The following MYT1L variants were observed in gnomAD, a reference collection of about 807,000 sequenced individuals.
MYT1L encodes myelin transcription factor 1 like.
A neutral mutation model predicts 126.7 loss-of-function variants in MYT1L; 12 were observed. That is an observed-to-expected ratio of 0.09 (90% CI 0.06 to 0.15). The LOEUF (loss-of-function observed/expected upper bound fraction) is 0.15, where lower values mean the gene tolerates loss of function less well. MYT1L is among the 10% of genes least tolerant of loss of function. The pLI is 1.00. For synonymous variants in MYT1L, 541 were observed against 604.2 expected, an observed-to-expected ratio of 0.90 and a Z score of 1.53; for missense variants, 979 against 1,585.2, an observed-to-expected ratio of 0.62 and a Z score of 6.49.
At chr2:2,229,728 G>A (rs1437528856) in intron 2 of MYT1L, among the ~76,000 whole-genome samples, 6 of 151,970 alleles carry the variant, frequency 3.9e-5, no homozygotes, top group African/African-American at 1.2e-4. Flanking sequence ...GTATGTATAT[G>A]CATATATTAT....
intron 3 of MYT1L, among the ~76,000 whole-genome samples, chr2:2,170,348 G>A (rs564031426): frequency 8.5e-4 from 130 of 152,144 alleles, no homozygotes; most frequent in Admixed American, 1.4e-3. Flanking sequence ...TTAGGCCCAC[G>A]GGCCAAATCT....
chr2:1,799,138 C>A lies in MYT1L; in HGVS notation c.3276+2558G>T, dbSNP rs1022897156. ...CCTGGGCACATCTGGGAAGTCACCT[C>A]TCTCATCAGCCGAGTCAGTGAGAAT... On this transcript the variant is annotated intron_variant, in intron 23 of 24. Coordinates refer to ENST00000647738, the MANE Select transcript of MYT1L (RefSeq NM_001303052.2). 4.9e-4 allele frequency among the ~76,000 whole-genome samples: 74 copies of A among 152,336 alleles called. 1 individual carries two copies. Among genetic ancestry groups the A allele is most frequent in the African/African-American group, 1.6e-3 (68 of 41,570 alleles).
intron 4 of MYT1L, among the ~76,000 whole-genome samples, chr2:2,030,381 G>A (rs796562992): frequency 5.9e-5 from 9 of 152,324 alleles, no homozygotes; most frequent in African/African-American, 2.2e-4. Context: ...ACAGGCAGGA[G>A]TTTTAAATAT....
chr2:2,052,126 C>T (rs936513585), intron 4 of MYT1L, among the ~76,000 whole-genome samples: 1 of 152,128 alleles, frequency 6.6e-6, no homozygotes, highest in Non-Finnish European at 1.5e-5. Context: ...GAATAGAGAA[C>T]CCAGAAATAA....
chr2:2,283,358 A>C (rs2095476424), intron 2 of MYT1L, among the ~76,000 whole-genome samples: 1 of 152,238 alleles, frequency 6.6e-6, no homozygotes. Context: ...AGAAGTTTAA[A>C]AACTTGGTCT....
At chr2:1,799,160 G>A (rs928608815) in intron 23 of MYT1L, among the ~76,000 whole-genome samples, 51 of 152,198 alleles carry the variant, frequency 3.4e-4, no homozygotes, top group African/African-American at 1.2e-3. Context: ...GAGTCAGTGA[G>A]AATAAATGTG....
intron 18 of MYT1L, among the ~76,000 whole-genome samples, chr2:1,861,920 T>A (rs5004014): frequency 6.6e-4 from 17 of 25,906 alleles, no homozygotes; most frequent in African/African-American, 8.7e-4. Flanking sequence ...TCCTGGATCC[T>A]CCTGCAGCCT....
intron 3 of MYT1L, among the ~76,000 whole-genome samples, chr2:2,135,745 A>G (rs2082963251): frequency 6.6e-6 from 1 of 152,184 alleles, no homozygotes; most frequent in Admixed American, 6.5e-5. Flanking sequence ...ACAGCATGCC[A>G]TCATCAATGA....
At chr2:1,998,091 C>T (rs111599879) in intron 4 of MYT1L, among the ~76,000 whole-genome samples, 23 of 152,294 alleles carry the variant, frequency 1.5e-4, no homozygotes, top group Non-Finnish European at 2.4e-4. Flanking sequence ...GGACCCACAA[C>T]GCTGAGACAC....
chr2:2,198,036 T>C (rs545958140), intron 2 of MYT1L, among the ~76,000 whole-genome samples: 1 of 151,650 alleles, frequency 6.6e-6, no homozygotes, highest in African/African-American at 2.4e-5. Flanking sequence ...ATATTATATA[T>C]ATAATATATA....
At chr2:2,175,916 C>G (rs569237034) in intron 2 of MYT1L, among the ~76,000 whole-genome samples, 31 of 152,196 alleles carry the variant, frequency 2.0e-4, no homozygotes, top group Admixed American at 2.0e-3. Context: ...GCTCCTTGCT[C>G]GGGGGCTGGG....
At chr2:2,183,903 GGAA>G (rs1286225579) in intron 2 of MYT1L, among the ~76,000 whole-genome samples, 1 of 127,060 alleles carries the variant, frequency 7.9e-6, no homozygotes, top group Non-Finnish European at 1.6e-5. Context: ...GAAGAAAAAA[GGAA>G]GGAAGGAAGG....
rs563920442 is a variant in MYT1L, at chr2:2,089,090, C to T, written c.-303-34967G>A. The stretch of plus-strand genomic sequence containing the variant: ...AGAACAGATCTACAAAAACTGATTT[C>T]ACAAAAAAGAAAGGAGCCCTCTGGC... On this transcript the variant is annotated intron_variant, in intron 3 of 24. Transcript: ENST00000647738. Among the ~76,000 whole-genome samples, 464 of 152,246 alleles carry T rather than the reference C, an allele frequency of 3.0e-3. 3 individuals carry two copies. The highest frequency in any genetic ancestry group is 4.9e-3 in the Non-Finnish European group (331 of 67,996).
Position 1,922,360 on chromosome 2 carries a change from G to T in MYT1L, c.1409C>A (p.Pro470Gln). 1 of 1,613,888 alleles carries T rather than the reference G, an allele frequency of 6.2e-7. No individual in the cohort carries two copies. Among genetic ancestry groups the T allele is most frequent in the Non-Finnish European group, 8.5e-7 (1 of 1,179,880 alleles). Residue 470 changes from proline (P) to glutamine (Q), a missense_variant, in exon 10 of 25, where the codon CCG becomes CAG. This residue lies in a region of MYT1L where 67 missense variants were observed against 80.3 expected (regional missense o/e 0.83). Transcript: ENST00000647738. This position sits in a 1 kb window ranked among gnomAD's most constrained non-coding sequence, Gnocchi z 7.4. Reference protein sequence around the residue: ...DNMRSYEDQSPRQLPGEDRKP... With the variant: ...DNMRSYEDQSQRQLPGEDRKP... ...TCTGTCCTCCCCGGGAAGTTGTCTC[G>T]GAGACTGGTCCTCATATGACCTCAT...
intron 2 of MYT1L, among the ~76,000 whole-genome samples, chr2:2,204,249 C>A (rs1187212456): frequency 5.9e-4 from 89 of 152,036 alleles, no homozygotes; most frequent in African/African-American, 2.1e-3. Context: ...ACAAAAGCCA[C>A]AATTGACAAA....
At chr2:1,867,062 G>A (rs983011106) in intron 18 of MYT1L, among the ~76,000 whole-genome samples, 2 of 147,694 alleles carry the variant, frequency 1.4e-5, no homozygotes, top group African/African-American at 5.0e-5. Flanking sequence ...AGGGTTGGGG[G>A]AGAGAGGGAG....
chr2:2,014,194 C>CTGTTT lies in MYT1L; in HGVS notation c.-157-16852_-157-16848dup, dbSNP rs2064127688. Reference sequence around the variant, plus strand: ...TCCTGCAGTGGGATATGCAGGAATCCTGTTTTTTTTTTTTTTCCTGAGCAG... The same window carrying CTGTTT: ...TCCTGCAGTGGGATATGCAGGAATCCTGTTTTGTTTTTTTTTTTTTTCCTGAGCAG... On this transcript the variant is annotated intron_variant, in intron 4 of 24. Coordinates refer to ENST00000647738, the MANE Select transcript of MYT1L (RefSeq NM_001303052.2). Among the ~76,000 whole-genome samples, 4 of 140,746 alleles carry CTGTTT rather than the reference C, an allele frequency of 2.8e-5. No homozygotes were observed. The South Asian group carries it at 8.7e-4, about 31-fold the overall frequency. 92.3% of individuals were successfully genotyped at this position (140,746 alleles called of 152,430 possible). A position where few individuals can be genotyped will look rare whatever the true frequency, so the allele number is the denominator to read the frequency against.
chr2:2,304,229 A>G (rs2095828170), intron 1 of MYT1L, among the ~76,000 whole-genome samples: 1 of 152,260 alleles, frequency 6.6e-6, no homozygotes, highest in Admixed American at 6.5e-5. Flanking sequence ...CTGAACTCAT[A>G]ATACACATTC....
chr2:1,922,505 C>T lies in MYT1L; in HGVS notation c.1264G>A (p.Glu422Lys), dbSNP rs748749130. ...TTCCCCTTGGTCATGTCGAACACCT[C>T]TTCAGACCTGTCCGAGTTCACAGAG... ...TTSVNSDRSE[E>K]VFDMTKGNLT... Residue 422 changes from glutamate (E) to lysine (K), a missense_variant, in exon 10 of 25, where the codon GAG becomes AAG. Glu to Lys is a moderately conservative substitution (Grantham distance 56). Around this residue, in one of 12 missense-constraint regions of MYT1L, gnomAD observed 243 missense variants for 363.9 expected, o/e 0.67. Transcript: ENST00000647738. The surrounding 1 kb of genome is among the most constrained non-coding windows in gnomAD (Gnocchi z 7.4). 1 of 1,613,950 alleles carries T rather than the reference C, an allele frequency of 6.2e-7. No homozygotes were observed.
Sources: gnomAD v4.1 joint callset for allele counts (sites outside exome capture counted in the v4.1 genomes callset) on GRCh38, gnomAD v4.1.1 for gene constraint, gnomAD v4.1.1 regional missense constraint, Gnocchi (gnomAD v3.1) non-coding constraint, MANE v1.5 for transcripts, NCBI Gene and HGNC (gene_info 2026-07-23, HGNC 2026-07-21) for gene names.